Variants in UCHL3 observed in about 807,000 individuals in gnomAD.
UCHL3 encodes ubiquitin C-terminal hydrolase L3.
UCHL3 carries 22 observed loss-of-function variants against 35.8 expected under a neutral mutation model. The observed-to-expected ratio is 0.61, with a 90% CI of 0.44 to 0.88. The LOEUF is 0.88. Among genes scored for constraint, UCHL3 ranks in the 40% least tolerant of loss-of-function variants. UCHL3 has a pLI of 0.00. For missense variants in UCHL3, 229 were observed against 276.9 expected (o/e 0.83, Z 1.23); for synonymous variants, 90 against 92.8 (o/e 0.97, Z 0.17).
Position 75,549,877 on chromosome 13 carries a change from G to A in UCHL3, c.42+15G>A, listed in dbSNP as rs1415401321. On this transcript the variant is annotated intron_variant, in intron 1 of 8. Coordinates refer to ENST00000377595, the MANE Select transcript of UCHL3 (RefSeq NM_006002.5). The stretch of plus-strand genomic sequence containing the variant: ...CCAATCCCGAGGTGGGCGCGCTTCG[G>A]GGCAGCCCTGGGCCGTGGGCAGGTG... 6.2e-7 allele frequency: 1 copy of A among 1,612,462 alleles called. No homozygotes were observed. The highest frequency in any genetic ancestry group is 8.5e-7 in the Non-Finnish European group (1 of 1,179,234).
chr13:75,594,446 G>C (rs1424226518), intron 6 of UCHL3, among the ~76,000 whole-genome samples: 3 of 152,180 alleles, frequency 2.0e-5, no homozygotes, highest in East Asian at 3.8e-4. Flanking sequence ...TCAAGTTCAA[G>C]TCTTTAAGGG....
intron 7 of UCHL3, among the ~76,000 whole-genome samples, chr13:75,603,063 T>C (rs2032821075): frequency 1.3e-5 from 2 of 152,106 alleles, no homozygotes; most frequent in African/African-American, 4.8e-5. Context: ...GATCATAGCT[T>C]GCTGCGTCCT....
chr13:75,581,303 A>G (rs1434792383), intron 6 of UCHL3, among the ~76,000 whole-genome samples: 2 of 151,862 alleles, frequency 1.3e-5, no homozygotes, highest in Non-Finnish European at 2.9e-5. Flanking sequence ...AACATAATTT[A>G]GATTTAAGCA....
At chr13:75,598,946 T>C (rs370771567) in intron 7 of UCHL3, among the ~76,000 whole-genome samples, 11 of 152,206 alleles carry the variant, frequency 7.2e-5, no homozygotes, top group African/African-American at 2.7e-4. Flanking sequence ...AATGGACTCA[T>C]GGATTCCTAC....
intron 3 of UCHL3, among the ~76,000 whole-genome samples, chr13:75,562,589 TAGG>T (rs2031553014): frequency 6.6e-6 from 1 of 152,086 alleles, no homozygotes; most frequent in Non-Finnish European, 1.5e-5. Flanking sequence ...GTGATACAAA[TAGG>T]AGTTTTTTTG....
At chr13:75,561,850 C>CATATATACATACGTAT (rs2031523622) in intron 3 of UCHL3, among the ~76,000 whole-genome samples, 1 of 49,696 alleles carries the variant, frequency 2.0e-5, no homozygotes, top group African/African-American at 4.6e-5. Flanking sequence ...TATACGTATA[C>CATATATACATACGTAT]ATACGTATAC....
intron 7 of UCHL3, among the ~76,000 whole-genome samples, chr13:75,602,694 T>C (rs974795583): frequency 6.6e-6 from 1 of 152,180 alleles, no homozygotes; most frequent in Non-Finnish European, 1.5e-5. Context: ...ATATTTTAGG[T>C]TTTGTGGGCT....
At chr13:75,586,897 A>G (rs556942369) in intron 6 of UCHL3, among the ~76,000 whole-genome samples, 4 of 151,994 alleles carry the variant, frequency 2.6e-5, no homozygotes, top group African/African-American at 9.6e-5. Context: ...ATAGCATGAA[A>G]TGCTTATAGT....
chr13:75,564,280 A>G (rs1311886554), intron 3 of UCHL3, among the ~76,000 whole-genome samples: 1 of 151,710 alleles, frequency 6.6e-6, no homozygotes, highest in Non-Finnish European at 1.5e-5. Context: ...CCTCCCGAGT[A>G]GCTGGGACTA....
At chr13:75,553,844 CT>C (rs1429724470) in intron 2 of UCHL3, among the ~76,000 whole-genome samples, 15 of 152,284 alleles carry the variant, frequency 9.9e-5, no homozygotes, top group Non-Finnish European at 1.5e-5. Flanking sequence ...GCTCTAAACC[CT>C]TTTCTTCCCC....
In UCHL3 at chr13:75,589,825, A is replaced by G. The variant is rs150625029; in HGVS notation, c.475-5090A>G. 1,073 of 846,840 alleles carry G rather than the reference A, an allele frequency of 1.3e-3. 10 individuals carry two copies. The African/African-American group carries it at 0.018, about 14-fold the overall frequency. 52.5% of individuals were successfully genotyped at this position (846,840 alleles called of 1,614,324 possible). A position where few individuals can be genotyped will look rare whatever the true frequency, so the allele number is the denominator to read the frequency against. ...ATCCTTTGCTAGATAGATTATGGTTATTAAAAATAGTAGACCATATGAATT... is the reference window on the plus strand; with the variant it reads ...ATCCTTTGCTAGATAGATTATGGTTGTTAAAAATAGTAGACCATATGAATT... On this transcript the variant is annotated intron_variant, in intron 6 of 8. Transcript: ENST00000377595.
intron 6 of UCHL3, among the ~76,000 whole-genome samples, chr13:75,588,703 A>G (rs1004841143): frequency 9.2e-5 from 14 of 152,216 alleles, no homozygotes; most frequent in African/African-American, 3.4e-4. Context: ...AGTTTTAAAA[A>G]TCATTCGGAA....
At chr13:75,592,905 C>T (rs1224383546) in intron 6 of UCHL3, among the ~76,000 whole-genome samples, 1 of 152,000 alleles carries the variant, frequency 6.6e-6, no homozygotes, top group Non-Finnish European at 1.5e-5. Context: ...TAACACTTAA[C>T]AGTTTACAAA....
chr13:75,587,549 T>C (rs192944886), intron 6 of UCHL3, among the ~76,000 whole-genome samples: 1 of 152,234 alleles, frequency 6.6e-6, no homozygotes, highest in Admixed American at 6.5e-5. Flanking sequence ...TATATGTAAC[T>C]TATCTTCAAA....
intron 3 of UCHL3, among the ~76,000 whole-genome samples, chr13:75,562,674 C>T (rs949812222): frequency 6.6e-6 from 1 of 152,106 alleles, no homozygotes; most frequent in Admixed American, 6.5e-5. Context: ...GATTTGATCT[C>T]TTTCATTTAG....
At chr13:75,598,667 C>T (rs994096063) in intron 7 of UCHL3, among the ~76,000 whole-genome samples, 3 of 152,172 alleles carry the variant, frequency 2.0e-5, no homozygotes, top group Admixed American at 6.5e-5. Flanking sequence ...AATAATGCTG[C>T]GTTCTTCTCA....
At chr13:75,550,397 A>G (rs1156696168) in intron 2 of UCHL3, among the ~76,000 whole-genome samples, 1 of 152,086 alleles carries the variant, frequency 6.6e-6, no homozygotes, top group Non-Finnish European at 1.5e-5. Context: ...TCGCCCACCC[A>G]GTCCTTGTAA....
At chr13:75,573,618 GGA>G (rs901595127) in intron 6 of UCHL3, among the ~76,000 whole-genome samples, 4 of 152,302 alleles carry the variant, frequency 2.6e-5, no homozygotes, top group Admixed American at 2.6e-4. Context: ...GAGGGGGTGT[GGA>G]GAGAGACGGG....
chr13:75,563,920 CTGTG>C (rs58677064), intron 3 of UCHL3, among the ~76,000 whole-genome samples: 2 of 149,476 alleles, frequency 1.3e-5, no homozygotes, highest in African/African-American at 4.9e-5. Flanking sequence ...AATAATATTT[CTGTG>C]TGTGTGTGTG....
Sources: gnomAD v4.1 joint callset for allele counts (sites outside exome capture counted in the v4.1 genomes callset) on GRCh38, gnomAD v4.1.1 for gene constraint, MANE v1.5 for transcripts, NCBI Gene and HGNC (gene_info 2026-07-23, HGNC 2026-07-21) for gene names.